Variants in SIPA1L2 observed in about 807,000 individuals in gnomAD.
The protein encoded by SIPA1L2 is signal-induced proliferation-associated 1-like protein 2.
A neutral mutation model predicts 163.9 loss-of-function variants in SIPA1L2; 56 were observed. The observed-to-expected ratio is 0.34, with a 90% CI of 0.28 to 0.43. SIPA1L2 has a LOEUF of 0.43. SIPA1L2 is among the 20% of genes least tolerant of loss of function. The probability of loss-of-function intolerance (pLI) is 1.00; values close to 1 mark genes in which losing one functional copy is unlikely to be tolerated. For missense variants in SIPA1L2, 1,974 were observed against 2,193.5 expected (o/e 0.90, Z 2.00); for synonymous variants, 877 against 865.7 (o/e 1.01, Z -0.23).
At chr1:232,536,471 G>A (rs1166943140) in intron 2 of SIPA1L2, among the ~76,000 whole-genome samples, 1 of 152,126 alleles carries the variant, frequency 6.6e-6, no homozygotes, top group African/African-American at 2.4e-5. Flanking sequence ...TGCTTATGAG[G>A]AACTACTTTC....
At position 232,520,958 on chromosome 1, in the gene SIPA1L2, C is replaced by T. The variant is rs188751879; in HGVS notation, c.-269-5350G>A. On this transcript the variant is annotated intron_variant, in intron 2 of 22. Coordinates refer to ENST00000674635, the MANE Select transcript of SIPA1L2 (RefSeq NM_020808.5). ...TCCTATTACAGTAGAATACGAAAAT[C>T]AAAGCTATAAGACAATTTGATAAGT... 2.9e-3 allele frequency among the ~76,000 whole-genome samples: 449 copies of T among 152,206 alleles called. 6 individuals carry two copies. Among genetic ancestry groups the T allele is most frequent in the African/African-American group, 0.01 (429 of 41,530 alleles).
At chr1:232,606,232 CTTAAT>C (rs1271282904) in intron 1 of SIPA1L2, among the ~76,000 whole-genome samples, 2 of 152,172 alleles carry the variant, frequency 1.3e-5, no homozygotes, top group African/African-American at 2.4e-5. Context: ...TGACACTGCA[CTTAAT>C]TTAATAAGCC....
chr1:232,508,228 G>A (rs764759544), intron 3 of SIPA1L2, among the ~76,000 whole-genome samples: 1 of 152,150 alleles, frequency 6.6e-6, no homozygotes, highest in Non-Finnish European at 1.5e-5. Flanking sequence ...TCACCACGGA[G>A]GCCCAGCTTC....
chr1:232,454,634 T>C (rs765454859), intron 10 of SIPA1L2, among the ~76,000 whole-genome samples: 4 of 152,178 alleles, frequency 2.6e-5, no homozygotes, highest in Non-Finnish European at 5.9e-5. Context: ...GTAGCCACGG[T>C]GTAACCTGTC....
intron 2 of SIPA1L2, among the ~76,000 whole-genome samples, chr1:232,548,690 C>T (rs538763178): frequency 2.0e-5 from 3 of 152,294 alleles, no homozygotes; most frequent in East Asian, 3.9e-4. Flanking sequence ...CACGGCAAGG[C>T]CTCCCACAGT....
At chr1:232,474,006 A>G (rs1300042532) in intron 7 of SIPA1L2, among the ~76,000 whole-genome samples, 8 of 152,164 alleles carry the variant, frequency 5.3e-5, no homozygotes, top group Admixed American at 5.2e-4. Context: ...TTAAAGGCAA[A>G]TGTTTTCTTT....
Position 232,445,697 on chromosome 1 carries a change from C to T in SIPA1L2, c.3185G>A (p.Arg1062Lys). Residue 1062 changes from arginine (R) to lysine (K), a missense_variant, in exon 11 of 23, where the codon AGG (arginine) becomes AAG (lysine). By Grantham distance (26) the Arg-to-Lys change is conservative. This residue lies in a region of SIPA1L2 where 1,079 missense variants were observed against 1,150.7 expected (regional missense o/e 0.94). Coordinates refer to ENST00000674635, the MANE Select transcript of SIPA1L2 (RefSeq NM_020808.5). ...TPCEYKTPFRRNTTWHRVPTP... is the reference protein window; with the variant it reads ...TPCEYKTPFRKNTTWHRVPTP... ...GGGCACCCGGTGCCACGTGGTGTTC[C>T]TCCTGAAGGGGGTTTTATACTCGCA... 6.2e-7 allele frequency: 1 copy of T among 1,613,630 alleles called. No homozygotes were observed. Among genetic ancestry groups the T allele is most frequent in the Non-Finnish European group, 8.5e-7 (1 of 1,179,818 alleles).
intron 2 of SIPA1L2, among the ~76,000 whole-genome samples, chr1:232,572,760 T>TACATAC (rs1311440185): frequency 2.5e-5 from 2 of 81,066 alleles, no homozygotes; most frequent in African/African-American, 3.4e-5. Flanking sequence ...TATATATATA[T>TACATAC]ATATATATAT....
At chr1:232,490,780 A>G in intron 5 of SIPA1L2, 94 bp downstream of exon 5, 1 of 1,281,602 alleles carries the variant, frequency 7.8e-7, no homozygotes, top group Non-Finnish European at 1.1e-6. Flanking sequence ...TTTAAAATAA[A>G]TGATCTTACA....
chr1:232,479,487 C>CA (rs1211850430), intron 7 of SIPA1L2, 140 bp downstream of exon 7: 1 of 667,052 alleles, frequency 1.5e-6, no homozygotes, highest in Non-Finnish European at 2.6e-6. Flanking sequence ...TCCAAATGAT[C>CA]AAAGAGTCAA....
intron 2 of SIPA1L2, among the ~76,000 whole-genome samples, chr1:232,534,551 C>T (rs542857416): frequency 1.3e-5 from 2 of 152,314 alleles, no homozygotes; most frequent in Non-Finnish European, 2.9e-5. Context: ...CCTTCATCAA[C>T]ACTGAAAACT....
chr1:232,445,684 C>A lies in SIPA1L2; in HGVS notation c.3198G>T (p.Trp1066Cys). 1.2e-5 allele frequency: 19 copies of A among 1,613,404 alleles called. No homozygotes were observed. The highest frequency in any genetic ancestry group is 1.5e-5 in the Non-Finnish European group (18 of 1,179,688). Residue 1066 changes from tryptophan to cysteine, a missense_variant, in exon 11 of 23, where the codon TGG (tryptophan) becomes TGT (cysteine). By Grantham distance (215) the Trp-to-Cys change is radical. Transcript: ENST00000674635. ...YKTPFRRNTT[W>C]HRVPTPALQP... ...GCAGGGCAGGAGTGGGCACCCGGTG[C>A]CACGTGGTGTTCCTCCTGAAGGGGG... is the stretch of plus-strand genomic sequence containing the variant.
chr1:232,454,891 A>C (rs760693425), intron 10 of SIPA1L2, among the ~76,000 whole-genome samples: 3 of 152,252 alleles, frequency 2.0e-5, no homozygotes, highest in Non-Finnish European at 2.9e-5. Context: ...ATGAATAAGT[A>C]CTACTGCATT....
chr1:232,553,226 C>T (rs138565082), intron 2 of SIPA1L2, among the ~76,000 whole-genome samples: 33 of 152,230 alleles, frequency 2.2e-4, no homozygotes, highest in African/African-American at 7.7e-4. Flanking sequence ...TGGCTGATCT[C>T]CTCCCCAACT....
At chr1:232,481,985 T>G (rs1429785552) in intron 6 of SIPA1L2, among the ~76,000 whole-genome samples, 1 of 152,228 alleles carries the variant, frequency 6.6e-6, no homozygotes, top group Non-Finnish European at 1.5e-5. Flanking sequence ...TATCTGACCA[T>G]TCTCCCATAC....
At chr1:232,471,570 T>C (rs1472357345) in intron 7 of SIPA1L2, 42 bp from the exon 8 acceptor site, 1 of 1,497,348 alleles carries the variant, frequency 6.7e-7, no homozygotes, top group Non-Finnish European at 9.0e-7. Context: ...AGTTTTTCTT[T>C]AAAACAAAAT....
chr1:232,613,058 A>T (rs144359364), intron 1 of SIPA1L2, among the ~76,000 whole-genome samples: 2 of 152,216 alleles, frequency 1.3e-5, no homozygotes, highest in African/African-American at 4.8e-5. Flanking sequence ...CCGCTTTTAC[A>T]TCTTCCTCAT....
At chr1:232,545,890 G>C (rs1185114526) in intron 2 of SIPA1L2, among the ~76,000 whole-genome samples, 2 of 152,146 alleles carry the variant, frequency 1.3e-5, no homozygotes, top group Non-Finnish European at 2.9e-5. Flanking sequence ...CTTCCTTTAA[G>C]AGTTAAACAT....
At chr1:232,598,550 AAGCTGGGT>A (rs942263819) in intron 1 of SIPA1L2, among the ~76,000 whole-genome samples, 8 of 152,218 alleles carry the variant, frequency 5.3e-5, no homozygotes, top group African/African-American at 1.9e-4. Context: ...AAAATAGCAC[AAGCTGGGT>A]AGCTTATAAA....
Sources: gnomAD v4.1 joint callset for allele counts (sites outside exome capture counted in the v4.1 genomes callset) on GRCh38, gnomAD v4.1.1 for gene constraint, gnomAD v4.1.1 regional missense constraint, MANE v1.5 for transcripts, NCBI Gene and HGNC (gene_info 2026-07-23, HGNC 2026-07-21) for gene names.